The following GLIS3 variants were observed in gnomAD, a reference collection of about 807,000 sequenced individuals.
The protein encoded by GLIS3 is zinc finger protein GLIS3.
Under a neutral mutation model 78.6 loss-of-function variants are expected in GLIS3, and 53 were observed. The observed-to-expected ratio is 0.67, with a 90% CI of 0.54 to 0.85. The LOEUF is 0.85. Ranked by LOEUF, GLIS3 falls within the 40% of genes least tolerant of loss-of-function variation. The probability of loss-of-function intolerance (pLI) is 0.00; values close to 1 mark genes in which losing one functional copy is unlikely to be tolerated. For synonymous variants in GLIS3, 684 were observed against 509.9 expected, an observed-to-expected ratio of 1.34 and a Z score of -4.60; for missense variants, 1,703 against 1,231.1, an observed-to-expected ratio of 1.38 and a Z score of -5.74.
At chr9:4,455,429 T>C in the GLIS3 span, among the ~76,000 whole-genome samples, 1 of 152,154 alleles carries the variant, frequency 6.6e-6, no homozygotes, top group Admixed American at 6.5e-5. Context: ...CAAGAAAAAG[T>C]TAGGCATCTT....
intron 4 of GLIS3, among the ~76,000 whole-genome samples, chr9:4,054,970 TAACA>T (rs574625685): frequency 0.012 from 1,897 of 152,316 alleles, 40 homozygotes; most frequent in African/African-American, 0.044. Context: ...TCCTGGGATT[TAACA>T]AGGATCTGGC....
intron 4 of GLIS3, among the ~76,000 whole-genome samples, chr9:3,980,813 TTTC>T (rs201436802): frequency 0.012 from 1,886 of 152,158 alleles, 47 homozygotes; most frequent in African/African-American, 0.042. Context: ...CTCACTGACT[TTTC>T]TTCTTCTTCT....
the GLIS3 span, among the ~76,000 whole-genome samples, chr9:4,482,271 C>G: frequency 3.9e-5 from 6 of 152,160 alleles, no homozygotes; most frequent in African/African-American, 1.2e-4. Flanking sequence ...GCCAAGAGTT[C>G]AAGGTCATAT....
intron 4 of GLIS3, among the ~76,000 whole-genome samples, chr9:3,960,635 G>A (rs898936249): frequency 1.1e-4 from 16 of 152,110 alleles, no homozygotes; most frequent in Admixed American, 7.9e-4. Flanking sequence ...TTGGTGGACC[G>A]ATAATTGGTA....
At chr9:4,078,495 A>T (rs548579007) in intron 4 of GLIS3, among the ~76,000 whole-genome samples, 2 of 152,318 alleles carry the variant, frequency 1.3e-5, no homozygotes, top group African/African-American at 4.8e-5. Context: ...CTGGAGATCT[A>T]TGTGGCCCAG....
At chr9:4,358,381 C>T in the GLIS3 span, among the ~76,000 whole-genome samples, 3 of 152,016 alleles carry the variant, frequency 2.0e-5, no homozygotes, top group Non-Finnish European at 4.4e-5. Flanking sequence ...TATCAGGTAC[C>T]AAGCAATGTC....
chr9:4,201,088 C>T (rs374451105), intron 2 of GLIS3, among the ~76,000 whole-genome samples: 192 of 152,214 alleles, frequency 1.3e-3, no homozygotes, highest in African/African-American at 3.6e-3. Flanking sequence ...CAAAACCACT[C>T]GATCATCTCA....
rs1275347681 is a variant in GLIS3, at chr9:3,876,561, G to C, written c.2297+2866C>G. Among the ~76,000 whole-genome samples the C allele has an allele frequency of 5.6e-5, 8 of 143,892 alleles. No homozygotes were observed. In the Admixed American group the frequency reaches 5.7e-4, roughly 10 times the overall value. The allele number at this position is 143,892 out of a possible 152,430, so 94.4% of individuals were successfully genotyped here. On this transcript the variant is annotated intron_variant, in intron 8 of 10. Coordinates refer to ENST00000381971, the MANE Select transcript of GLIS3 (RefSeq NM_001042413.2). The stretch of plus-strand genomic sequence containing the variant: ...CCCTACTGAAGTAATTAGCAGTAAA[G>C]CTCAGTGATATCTGCAACCATCTGT...
the GLIS3 span, among the ~76,000 whole-genome samples, chr9:4,375,183 A>C: frequency 2.0e-5 from 3 of 152,312 alleles, no homozygotes; most frequent in South Asian, 2.1e-4. Context: ...GACCTCCTAT[A>C]ATCAGCCTCG....
intron 4 of GLIS3, among the ~76,000 whole-genome samples, chr9:3,962,552 C>T (rs1195334762): frequency 2.6e-5 from 4 of 152,100 alleles, no homozygotes; most frequent in Admixed American, 6.6e-5. Flanking sequence ...AAAGCCAAGT[C>T]GTTGGTTGTT....
At chr9:3,837,320 T>C (rs1818413038) in intron 9 of GLIS3, among the ~76,000 whole-genome samples, 6 of 152,220 alleles carry the variant, frequency 3.9e-5, no homozygotes, top group Admixed American at 2.6e-4. Context: ...GAACTCTCTT[T>C]CACTGCAAAA....
At chr9:4,134,437 C>T (rs1361118356) in intron 2 of GLIS3, among the ~76,000 whole-genome samples, 1 of 152,062 alleles carries the variant, frequency 6.6e-6, no homozygotes. Flanking sequence ...GGTGGCTGGC[C>T]TCCATACCCA....
intron 8 of GLIS3, among the ~76,000 whole-genome samples, chr9:3,877,818 C>T (rs1488438073): frequency 1.3e-5 from 2 of 152,136 alleles, no homozygotes; most frequent in East Asian, 1.9e-4. Context: ...CCTTGTTTTT[C>T]CCGTCTCTCC....
At chr9:4,462,642 C>T in the GLIS3 span, among the ~76,000 whole-genome samples, 3 of 144,470 alleles carry the variant, frequency 2.1e-5, no homozygotes, top group Non-Finnish European at 4.5e-5. Flanking sequence ...CAGACACGCA[C>T]ACACACACAC....
chr9:4,240,024 G>A (rs929403090), intron 2 of GLIS3, among the ~76,000 whole-genome samples: 1 of 151,832 alleles, frequency 6.6e-6, no homozygotes, highest in Non-Finnish European at 1.5e-5. Context: ...CATTTAACTT[G>A]ATTTTTTTTT....
intron 2 of GLIS3, among the ~76,000 whole-genome samples, chr9:4,163,636 A>G (rs974798109): frequency 6.6e-6 from 1 of 152,196 alleles, no homozygotes; most frequent in Non-Finnish European, 1.5e-5. Context: ...TTCTAGGCCC[A>G]TTGCTTATAT....
At chr9:3,845,795 TAGAG>T (rs1274869612) in intron 9 of GLIS3, among the ~76,000 whole-genome samples, 1 of 152,082 alleles carries the variant, frequency 6.6e-6, no homozygotes, top group Non-Finnish European at 1.5e-5. Flanking sequence ...AGCCGTTAGA[TAGAG>T]AGCTCTCCCC....
rs545622348 is a variant in GLIS3 at position 4,028,177 on chromosome 9, C to T, written c.1710+89591G>A. Among the ~76,000 whole-genome samples, 15 of 152,266 alleles carry T rather than the reference C, an allele frequency of 9.9e-5. No individual in the cohort carries two copies. The South Asian group carries it at 2.3e-3, about 23-fold the overall frequency. The stretch of plus-strand genomic sequence containing the variant: ...AACTTCTAGGGTCCATTCCTGACTC[C>T]AATGCACATATAGGAGCCTACGTAT... On this transcript the variant is annotated intron_variant, in intron 4 of 10. Transcript: ENST00000381971.
intron 6 of GLIS3, among the ~76,000 whole-genome samples, chr9:3,921,074 A>C (rs1379773233): frequency 1.3e-5 from 2 of 152,210 alleles, no homozygotes; most frequent in Admixed American, 6.5e-5. Flanking sequence ...TGAATCTGAA[A>C]GCAAATTGGA....
Sources: gnomAD v4.1 joint callset for allele counts (sites outside exome capture counted in the v4.1 genomes callset) on GRCh38, gnomAD v4.1.1 for gene constraint, MANE v1.5 for transcripts, NCBI Gene and HGNC (gene_info 2026-07-23, HGNC 2026-07-21) for gene names.